PCNX3: variants seen among roughly 807,000 people sequenced by gnomAD.
PCNX3 encodes pecanex-like protein 3.
Under a neutral mutation model 207.2 loss-of-function variants are expected in PCNX3, and 58 were observed. The observed-to-expected ratio is 0.28, with a 90% CI of 0.23 to 0.35. PCNX3 has a LOEUF of 0.35. Ranked by LOEUF, PCNX3 falls within the 10% of genes least tolerant of loss-of-function variation. The probability of loss-of-function intolerance (pLI) is 1.00; values close to 1 mark genes in which losing one functional copy is unlikely to be tolerated. For missense variants in PCNX3, 2,410 were observed against 2,774.4 expected (o/e 0.87, Z 2.95); for synonymous variants, 1,337 against 1,183.5 (o/e 1.13, Z -2.66).
In PCNX3 at chr11:65,616,910, G is replaced by A. The variant is rs1345669072; in HGVS notation, c.240G>A (p.Arg80=). ...CTACTATCAAGACTGTCAATTATCGGCTTCATGCCATGTTTGACCAGGGCG... is the reference window on the plus strand; with the variant it reads ...CTACTATCAAGACTGTCAATTATCGACTTCATGCCATGTTTGACCAGGGCG... ...IFATIKTVNY[R]LHAMFDQGEI... is the part of the protein sequence containing the mutation. Residue 80 remains arginine (R), a synonymous_variant, in exon 2 of 35, where the codon CGG becomes CGA. Coordinates refer to ENST00000355703, the MANE Select transcript of PCNX3 (RefSeq NM_032223.4). 3 of 1,613,608 alleles carry A rather than the reference G, an allele frequency of 1.9e-6. No individual in the cohort carries two copies. Among genetic ancestry groups the A allele is most frequent in the Non-Finnish European group, 2.5e-6 (3 of 1,179,864 alleles).
At position 65,623,366 on chromosome 11, in the gene PCNX3, A is replaced by C. The variant is rs1855212173; in HGVS notation, c.2358-125A>C. ...CAAAGTTATAGGTGTTCACATCTTC[A>C]GAGGACAAGGGTCTGGCATGGGCAC... is the stretch of plus-strand genomic sequence containing the variant. On this transcript the variant is annotated intron_variant, in intron 11 of 34. Transcript: ENST00000355703. The C allele has an allele frequency of 4.7e-6, 6 of 1,280,324 alleles. No individual in the cohort carries two copies. The Admixed American group carries it at 1.9e-4, about 40-fold the overall frequency. 79.3% of individuals were successfully genotyped at this position (1,280,324 alleles called of 1,614,324 possible). A position where few individuals can be genotyped will look rare whatever the true frequency, so the allele number is the denominator to read the frequency against.
chr11:65,624,155 C>A, intron 13 of PCNX3, 40 bp from the exon 14 acceptor site: 1 of 1,580,884 alleles, frequency 6.3e-7, no homozygotes, highest in Non-Finnish European at 8.6e-7. Context: ...GAGGTGTGGC[C>A]AGTCGGGGAG....
chr11:65,617,107 T>C lies in PCNX3; in HGVS notation c.341+96T>C, dbSNP rs1260932973. On this transcript the variant is annotated intron_variant, in intron 2 of 34. Transcript: ENST00000355703. The stretch of plus-strand genomic sequence containing the variant: ...GTAGGGGCTTAGGGAACATTGGCTC[T>C]CTGAGTGATTGTGAACACTTGTCCT... 6 of 1,412,562 alleles carry C rather than the reference T, an allele frequency of 4.2e-6. No individual in the cohort carries two copies. In the East Asian group the frequency reaches 1.0e-4, roughly 23 times the overall value. 87.5% of individuals were successfully genotyped at this position (1,412,562 alleles called of 1,614,324 possible).
At position 65,617,000 on chromosome 11, in the gene PCNX3, C is replaced by G; in HGVS notation, c.330C>G (p.Ser110Arg). The change falls in exon 2 of 35, where the codon AGC (serine) becomes AGG (arginine). Residue 110 changes from serine (S) to arginine (R), a missense_variant. By Grantham distance (110) the Ser-to-Arg change is moderately radical (BLOSUM62 -1). Transcript: ENST00000355703. ...ELEEEPAQGD[S>R]NPPRDPGVEM... Reference sequence around the variant, plus strand: ...AGGAAGAGCCTGCCCAGGGGGACAGCAATCCACCCAGGTGGGTGGGGTAGG... The same window carrying G: ...AGGAAGAGCCTGCCCAGGGGGACAGGAATCCACCCAGGTGGGTGGGGTAGG... 1 of 1,609,258 alleles carries G rather than the reference C, an allele frequency of 6.2e-7. No homozygotes were observed. The highest frequency in any genetic ancestry group is 8.5e-7 in the Non-Finnish European group (1 of 1,178,198).
chr11:65,626,075 G>T, intron 20 of PCNX3, 21 bp downstream of exon 20: 1 of 1,582,580 alleles, frequency 6.3e-7, no homozygotes, highest in Non-Finnish European at 8.6e-7. Flanking sequence ...ACCCCTGATG[G>T]CCAGGCCTGG....
chr11:65,617,826 G>A, intron 5 of PCNX3, 114 bp from the exon 6 acceptor site: 1 of 1,458,750 alleles, frequency 6.9e-7, no homozygotes, highest in Non-Finnish European at 9.3e-7. Flanking sequence ...CCTCCCCAGT[G>A]TGCTGCTGTG....
intron 11 of PCNX3, 21 bp downstream of exon 11, chr11:65,622,387 G>A: frequency 6.3e-7 from 1 of 1,583,578 alleles, no homozygotes. Context: ...CGCAGCCTTG[G>A]CCCCCAATTC....
intron 9 of PCNX3, 90 bp downstream of exon 9, chr11:65,620,519 G>C (rs985334926): frequency 7.0e-7 from 1 of 1,419,758 alleles, no homozygotes. Flanking sequence ...CTCTCTTCCT[G>C]CTGGGCTTGG....
intron 10 of PCNX3, among the ~76,000 whole-genome samples, 200 bp from the exon 11 acceptor site, chr11:65,622,045 G>A (rs751372826): frequency 6.6e-6 from 1 of 152,122 alleles, no homozygotes; most frequent in Non-Finnish European, 1.5e-5. Flanking sequence ...GAGAGAGGAG[G>A]AGCCCTTTCA....
In PCNX3 at chr11:65,636,161, T is replaced by C. The variant is rs368841373; in HGVS notation, c.5460-13T>C. 2.6e-5 allele frequency: 42 copies of C among 1,593,174 alleles called. No homozygotes were observed. Among genetic ancestry groups the C allele is most frequent in the Non-Finnish European group, 2.6e-6 (3 of 1,169,928 alleles). On this transcript the variant is annotated splice_polypyrimidine_tract_variant and intron_variant, in intron 32 of 34. Transcript: ENST00000355703. ...TGTCCCTCCTGATCCCTTTTCTACC[T>C]CTCCACCCCCAGGCTTCACAAGGGC...
Position 65,636,797 on chromosome 11 carries a change from T to TCAGCCTCAGCCC in PCNX3, c.5926_5937dup (p.Ser1976_Pro1979dup). ...CTAGACCTCAGCCTCAGCCTCAGCC[T>TCAGCCTCAGCCC]CAGCCTCAGCCCCGATGTCAGCACT... On this transcript the variant is annotated inframe_insertion, in exon 35 of 35. Coordinates refer to ENST00000355703, the MANE Select transcript of PCNX3 (RefSeq NM_032223.4). 1.3e-6 allele frequency: 2 copies of TCAGCCTCAGCCC among 1,519,134 alleles called. No homozygotes were observed. Among genetic ancestry groups the TCAGCCTCAGCCC allele is most frequent in the Non-Finnish European group, 1.8e-6 (2 of 1,134,904 alleles). The allele number at this position is 1,519,134 out of a possible 1,614,324, so 94.1% of individuals were successfully genotyped here.
intron 27 of PCNX3, among the ~76,000 whole-genome samples, chr11:65,632,377 G>T (rs912076252): frequency 6.6e-6 from 1 of 151,624 alleles, no homozygotes; most frequent in Non-Finnish European, 1.5e-5. Flanking sequence ...GCAGGGATAG[G>T]TCCTTTCCAG....
Position 65,616,074 on chromosome 11 carries a change from A to ACCCCGCCCCTGATGCAG in PCNX3, c.-233_-217dup. On this transcript the variant is annotated 5_prime_UTR_variant, in exon 1 of 35. In the 5' UTR this introduces an upstream ATG that the reference lacks. Coordinates refer to ENST00000355703, the MANE Select transcript of PCNX3 (RefSeq NM_032223.4). Reference sequence around the variant, plus strand: ...TTCTGGGCCAGGAGTGGGGACCCGGACCCCGCCCCTGATGCAGCCCCACCC... The same window carrying ACCCCGCCCCTGATGCAG: ...TTCTGGGCCAGGAGTGGGGACCCGGACCCCGCCCCTGATGCAGCCCCGCCCCTGATGCAGCCCCACCC... The ACCCCGCCCCTGATGCAG allele has an allele frequency of 6.2e-6, 2 of 320,220 alleles. No homozygotes were observed. The highest frequency in any genetic ancestry group is 1.0e-4 in the East Asian group (2 of 19,446). The allele number at this position is 320,220 out of a possible 1,614,324, so 19.8% of individuals were successfully genotyped here. A position where few individuals can be genotyped will look rare whatever the true frequency, so the allele number is the denominator to read the frequency against.
At position 65,624,565 on chromosome 11, in the gene PCNX3, C is replaced by T. The variant is rs116877684; in HGVS notation, c.2811C>T (p.His937=). Residue 937 remains histidine, a synonymous_variant, in exon 15 of 35, where the codon CAC becomes CAT. Coordinates refer to ENST00000355703, the MANE Select transcript of PCNX3 (RefSeq NM_032223.4). ...ACCTGCTGGAGCAAATAGATATGCA[C>T]GGCTTCGGGGGCACAGGTATGATGC... is the stretch of plus-strand genomic sequence containing the variant. ...LMYLLEQIDM[H]GFGGTAATSP... is the part of the protein sequence containing the mutation. The T allele has an allele frequency of 9.6e-5, 154 of 1,601,870 alleles. 2 individuals carry two copies. In the East Asian group the frequency reaches 1.7e-3, roughly 18 times the overall value.
At position 65,616,946 on chromosome 11, in the gene PCNX3, G is replaced by A; in HGVS notation, c.276G>A (p.Glu92=). ...TGTTTGACCAGGGCGAGATCGTGGA[G>A]AAGCGCAGCTCTACCATGGGGGAGC... The part of the protein sequence containing the change: ...HAMFDQGEIV[E]KRSSTMGELE... The change falls in exon 2 of 35, where the codon GAG becomes GAA. Residue 92 remains glutamate (E), a synonymous_variant. Coordinates refer to ENST00000355703, the MANE Select transcript of PCNX3 (RefSeq NM_032223.4). 1.2e-6 allele frequency: 2 copies of A among 1,613,436 alleles called. No homozygotes were observed. Among genetic ancestry groups the A allele is most frequent in the Non-Finnish European group, 1.7e-6 (2 of 1,179,856 alleles).
Position 65,618,907 on chromosome 11 carries a change from G to A in PCNX3, c.1545G>A (p.Arg515=). ...ATGGGGCTGGGGGTGATGTTCTGAG[G>A]CCCCCACTGGCTGGCTGCAAGGCAG... ...SMDGAGGDVL[R]PPLAGCKAEL... is the part of the protein sequence containing the mutation. The change falls in exon 6 of 35, where the codon AGG becomes AGA. Residue 515 remains arginine, a synonymous_variant. Coordinates refer to ENST00000355703, the MANE Select transcript of PCNX3 (RefSeq NM_032223.4). 1 of 1,609,072 alleles carries A rather than the reference G, an allele frequency of 6.2e-7. No homozygotes were observed. The highest frequency in any genetic ancestry group is 1.1e-5 in the South Asian group (1 of 90,522).
Position 65,622,366 on chromosome 11 carries a change from G to A in PCNX3, c.2357G>A (p.Arg786Gln). Residue 786 changes from arginine (R) to glutamine (Q), a missense_variant and splice_region_variant, in exon 11 of 35, where the codon CGG (arginine) becomes CAG (glutamine). Around this residue, in one of 8 missense-constraint regions of PCNX3, gnomAD observed 177 missense variants for 257.5 expected, o/e 0.69. Transcript: ENST00000355703. ...CTTGCCCTGCTGGCTCTGCTGGACC[G>A]GTGAGTGTCCCGCAGCCTTGGCCCC... ...ERLALLALLDRTRGVLENIFG... is the reference protein window; with the variant it reads ...ERLALLALLDQTRGVLENIFG... The A allele has an allele frequency of 6.3e-7, 1 of 1,590,928 alleles. No individual in the cohort carries two copies. The highest frequency in any genetic ancestry group is 8.5e-7 in the Non-Finnish European group (1 of 1,171,034).
chr11:65,634,809 C>T (rs1446806719), intron 29 of PCNX3, among the ~76,000 whole-genome samples, 164 bp from the exon 30 acceptor site: 1 of 152,118 alleles, frequency 6.6e-6, no homozygotes, highest in East Asian at 1.9e-4. Flanking sequence ...ACCTTGCCTG[C>T]TCCTCAGTGC....
In PCNX3 at chr11:65,619,065, G is replaced by A. The variant is rs1193351611; in HGVS notation, c.1703G>A (p.Gly568Glu). Residue 568 changes from glycine (G) to glutamate (E), a missense_variant and splice_region_variant, in exon 6 of 35, where the codon GGA (glycine) becomes GAA (glutamate). By Grantham distance (98) the Gly-to-Glu change is moderately conservative (BLOSUM62 -2). This residue lies in a region of PCNX3 where 1,104 missense variants were observed against 970.3 expected (regional missense o/e 1.14). Transcript: ENST00000355703. ...CTGCAGGAGGAAGGTGCTGTGGGGG[G>A]AGGTGAGTGCTTGCTCTAGAGGCAG... ...GELQEEGAVGGAAEETGRRDR... is the reference protein window; with the variant it reads ...GELQEEGAVGEAAEETGRRDR... 1 of 1,587,306 alleles carries A rather than the reference G, an allele frequency of 6.3e-7. No individual in the cohort carries two copies. Among genetic ancestry groups the A allele is most frequent in the South Asian group, 1.1e-5 (1 of 89,558 alleles).
Sources: gnomAD v4.1 joint callset for allele counts (sites outside exome capture counted in the v4.1 genomes callset) on GRCh38, gnomAD v4.1.1 for gene constraint, gnomAD v4.1.1 regional missense constraint, MANE v1.5 for transcripts, NCBI Gene and HGNC (gene_info 2026-07-23, HGNC 2026-07-21) for gene names.